The following KDM5A variants were observed in gnomAD, a reference collection of about 807,000 sequenced individuals.
KDM5A encodes the protein lysine-specific demethylase 5A.
KDM5A carries 42 observed loss-of-function variants against 193.5 expected under a neutral mutation model. That is an observed-to-expected ratio of 0.22 (90% CI 0.17 to 0.28). KDM5A has a LOEUF of 0.28. Ranked by LOEUF, KDM5A falls within the 10% of genes least tolerant of loss-of-function variation. The pLI is 1.00. For missense variants in KDM5A, 1,692 were observed against 2,055.1 expected, an observed-to-expected ratio of 0.82 and a Z score of 3.42; for synonymous variants, 796 against 718.1, an observed-to-expected ratio of 1.11 and a Z score of -1.73.
Position 307,022 on chromosome 12 carries a change from CGAG to C in KDM5A, c.3995_3997del (p.Pro1332del), listed in dbSNP as rs1943516313. On this transcript the variant is annotated inframe_deletion, in exon 24 of 28. Transcript: ENST00000399788. The surrounding 1 kb of genome is among the most constrained non-coding windows in gnomAD (Gnocchi z 4.3). ...TTCATCATCATAGTCCATTGTTTGTCGAGGAGAAGATGACACACTGCTCACCAC... is the reference window on the plus strand; with the variant it reads ...TTCATCATCATAGTCCATTGTTTGTCGAGAAGATGACACACTGCTCACCAC... 1.9e-6 allele frequency: 3 copies of C among 1,613,810 alleles called. No homozygotes were observed. The highest frequency in any genetic ancestry group is 2.5e-6 in the Non-Finnish European group (3 of 1,179,946).
chr12:319,419 G>A (rs756719735), intron 18 of KDM5A, among the ~76,000 whole-genome samples: 2 of 152,268 alleles, frequency 1.3e-5, no homozygotes, highest in South Asian at 2.1e-4. Context: ...TATTGAACAC[G>A]GGGTATAAGG....
intron 10 of KDM5A, among the ~76,000 whole-genome samples, chr12:340,511 T>C (rs952871455): frequency 1.4e-4 from 21 of 152,032 alleles, no homozygotes; most frequent in Admixed American, 4.6e-4. Flanking sequence ...CTGGCCAACA[T>C]GGTGAAACCC....
chr12:299,019 C>T (rs545960592), intron 24 of KDM5A, among the ~76,000 whole-genome samples: 3 of 151,822 alleles, frequency 2.0e-5, no homozygotes, highest in South Asian at 4.2e-4. Context: ...TGAAAAGAAA[C>T]GAAAAAAGCC....
At chr12:338,105 C>A (rs1943957052) in intron 10 of KDM5A, among the ~76,000 whole-genome samples, 1 of 152,170 alleles carries the variant, frequency 6.6e-6, no homozygotes, top group Non-Finnish European at 1.5e-5. Context: ...TTAAACACAG[C>A]AGGCCTGAGA....
intron 14 of KDM5A, 70 bp downstream of exon 14, chr12:328,765 C>G: frequency 2.1e-6 from 3 of 1,413,844 alleles, no homozygotes; most frequent in Non-Finnish European, 2.0e-6. Flanking sequence ...GATGAAAATT[C>G]TACCTATAGG....
In KDM5A at chr12:318,313, T is replaced by C. The variant is rs1399584273; in HGVS notation, c.2690A>G (p.Glu897Gly). Residue 897 changes from glutamate to glycine, a missense_variant, in exon 19 of 28, where the codon GAG becomes GGG. Physicochemically the swap from Glu to Gly is moderately conservative, Grantham distance 98 (BLOSUM62 -2). This residue lies in a region of KDM5A where 965 missense variants were observed against 1,061.0 expected (regional missense o/e 0.91). Coordinates refer to ENST00000399788, the MANE Select transcript of KDM5A (RefSeq NM_001042603.3). Reference protein sequence around the residue: ...ELPELPRLKQELQQARWLDEV... With the variant: ...ELPELPRLKQGLQQARWLDEV... ...GTCCAACCACCGAGCCTGTTGTAGC[T>C]CTTGCTTCAGTCGTGGTAATTCAGG... 6.2e-7 allele frequency: 1 copy of C among 1,614,182 alleles called. No individual in the cohort carries two copies. The highest frequency in any genetic ancestry group is 8.5e-7 in the Non-Finnish European group (1 of 1,180,028).
chr12:325,480 C>G (rs1436936575), intron 14 of KDM5A, among the ~76,000 whole-genome samples: 2 of 136,906 alleles, frequency 1.5e-5, no homozygotes, highest in Non-Finnish European at 3.2e-5. Flanking sequence ...GTCAGGAGTT[C>G]AAGACCAGCT....
At chr12:332,010 TTAGA>T (rs1943872003) in intron 12 of KDM5A, 72 bp from the exon 13 acceptor site, 1 of 1,409,984 alleles carries the variant, frequency 7.1e-7, no homozygotes, top group South Asian at 1.2e-5. Flanking sequence ...ACAGATTTTA[TTAGA>T]TAATTTCAGA....
Position 307,178 on chromosome 12 carries a change from G to A in KDM5A, c.3931-89C>T, listed in dbSNP as rs1002494841. 127 of 1,480,554 alleles carry A rather than the reference G, an allele frequency of 8.6e-5. 1 individual carries two copies. Among genetic ancestry groups the A allele is most frequent in the Non-Finnish European group, 1.1e-4 (121 of 1,065,156 alleles). The allele number at this position is 1,480,554 out of a possible 1,614,324, so 91.7% of individuals were successfully genotyped here. A position where few individuals can be genotyped will look rare whatever the true frequency, so the allele number is the denominator to read the frequency against. ...GTGCTTAAGATCACCAAAATGTAAT[G>A]AATAAGCAAAGTGGCTAACAGAGTT... On this transcript the variant is annotated intron_variant, in intron 23 of 27. Coordinates refer to ENST00000399788, the MANE Select transcript of KDM5A (RefSeq NM_001042603.3). The surrounding 1 kb of genome is among the most constrained non-coding windows in gnomAD (Gnocchi z 4.3).
At chr12:293,193 C>T in intron 26 of KDM5A, 24 bp from the exon 27 acceptor site, 2 of 1,593,132 alleles carry the variant, frequency 1.3e-6, no homozygotes, top group African/African-American at 1.3e-5. Flanking sequence ...AATTTAGGAA[C>T]AATTTTAAAG....
In KDM5A at chr12:295,648, G is replaced by A. The variant is rs761716349; in HGVS notation, c.4380C>T (p.Asp1460=). ...MVGDLLEVSL[D]ETQHIWRILQ... ...AAATCCGCCATATGTGTTGAGTCTC[G>A]TCCAGAGATACTTCCAGGAGATCTC... Residue 1460 remains aspartate (D), a synonymous_variant, in exon 26 of 28, where the codon GAC becomes GAT. Transcript: ENST00000399788. The A allele has an allele frequency of 6.8e-6, 11 of 1,613,882 alleles. No individual in the cohort carries two copies. The highest frequency in any genetic ancestry group is 1.3e-5 in the African/African-American group (1 of 74,874).
chr12:369,979 C>G (rs975908752), intron 3 of KDM5A, among the ~76,000 whole-genome samples: 5 of 152,186 alleles, frequency 3.3e-5, no homozygotes, highest in African/African-American at 1.2e-4. Context: ...ACAAAGAAAA[C>G]AAAACCATTA....
In KDM5A at chr12:289,907, CTTT is replaced by C. The variant is rs750918968; in HGVS notation, c.4866+2849_4866+2851del. Among the ~76,000 whole-genome samples, 253 of 99,644 alleles carry C rather than the reference CTTT, an allele frequency of 2.5e-3. 1 individual carries two copies. The highest frequency in any genetic ancestry group is 0.01 in the African/African-American group (241 of 23,490). 65.4% of individuals were successfully genotyped at this position (99,644 alleles called of 152,430 possible). ...AAAAAGCATGATTTTTTCTTTCTTTCTTTTTTTTTTTTTTTTTTTTTTTACATC... is the reference window on the plus strand; with the variant it reads ...AAAAAGCATGATTTTTTCTTTCTTTCTTTTTTTTTTTTTTTTTTTTACATC... On this transcript the variant is annotated intron_variant, in intron 27 of 27. Coordinates refer to ENST00000399788, the MANE Select transcript of KDM5A (RefSeq NM_001042603.3).
Position 389,204 on chromosome 12 carries a change from G to T in KDM5A, c.-113C>A. 1 of 1,002,426 alleles carries T rather than the reference G, an allele frequency of 1.0e-6. No individual in the cohort carries two copies. Among genetic ancestry groups the T allele is most frequent in the Non-Finnish European group, 1.6e-6 (1 of 630,190 alleles). The allele number at this position is 1,002,426 out of a possible 1,614,324, so 62.1% of individuals were successfully genotyped here. On this transcript the variant is annotated 5_prime_UTR_variant, in exon 1 of 28. Coordinates refer to ENST00000399788, the MANE Select transcript of KDM5A (RefSeq NM_001042603.3). The stretch of plus-strand genomic sequence containing the variant: ...GACAGAGGCCGAAGCGCATCTTCGC[G>T]GACAAGAACCGTTCAACACAGAAAC...
intron 1 of KDM5A, among the ~76,000 whole-genome samples, chr12:387,615 A>G (rs1401890630): frequency 1.3e-5 from 2 of 152,222 alleles, no homozygotes; most frequent in East Asian, 3.8e-4. Flanking sequence ...TAGTGAGAGC[A>G]TTACGTCTGT....
intron 5 of KDM5A, among the ~76,000 whole-genome samples, chr12:357,757 G>A (rs1335121582): frequency 6.9e-6 from 1 of 144,512 alleles, no homozygotes; most frequent in Non-Finnish European, 1.5e-5. Flanking sequence ...GAACCCAGGA[G>A]GTGGAGGTTG....
intron 3 of KDM5A, among the ~76,000 whole-genome samples, chr12:366,775 A>C (rs1216853727): frequency 6.6e-6 from 1 of 152,244 alleles, no homozygotes; most frequent in Admixed American, 6.5e-5. Flanking sequence ...ACATATTTCA[A>C]AGCTCCTTAA....
chr12:323,531 A>G, intron 15 of KDM5A, 69 bp downstream of exon 15: 1 of 1,414,516 alleles, frequency 7.1e-7, no homozygotes, highest in East Asian at 2.3e-5. Context: ...TAAGGGAATA[A>G]GTAAAAATAA....
At position 284,284 on chromosome 12, in the gene KDM5A, C is replaced by T. The variant is rs1943191062; in HGVS notation, c.*1172G>A. 4.4e-6 allele frequency: 1 copy of T among 228,170 alleles called. No homozygotes were observed. Among genetic ancestry groups the T allele is most frequent in the Non-Finnish European group, 8.7e-6 (1 of 115,412 alleles). The allele number at this position is 228,170 out of a possible 1,614,324, so 14.1% of individuals were successfully genotyped here. On this transcript the variant is annotated 3_prime_UTR_variant, in exon 28 of 28. Transcript: ENST00000399788. ...AAAAATAATCTATGTATAGAACAGT[C>T]AGTAGTCAGAGACATTTAGAAAAAA... is the stretch of plus-strand genomic sequence containing the variant.
Sources: gnomAD v4.1 joint callset for allele counts (sites outside exome capture counted in the v4.1 genomes callset) on GRCh38, gnomAD v4.1.1 for gene constraint, gnomAD v4.1.1 regional missense constraint, Gnocchi (gnomAD v3.1) non-coding constraint, MANE v1.5 for transcripts, NCBI Gene and HGNC (gene_info 2026-07-23, HGNC 2026-07-21) for gene names.